Variants in ENTREP2 observed in about 807,000 individuals in gnomAD.
ENTREP2 encodes the protein endosomal transmembrane epsin interactor 2, also known as protein ENTREP2.
chr15:29,566,849 A>C, the ENTREP2 span, among the ~76,000 whole-genome samples: 2 of 148,780 alleles, frequency 1.3e-5, no homozygotes, highest in Non-Finnish European at 3.0e-5. Flanking sequence ...GGAAAAATAC[A>C]CACACACACA....
chr15:29,650,273 G>C, the ENTREP2 span, among the ~76,000 whole-genome samples: 2,138 of 152,200 alleles, frequency 0.014, 45 homozygotes, highest in African/African-American at 0.049. Context: ...CAGTCATAAA[G>C]GGACTTGGTG....
chr15:29,401,493 T>C, the ENTREP2 span, among the ~76,000 whole-genome samples: 1 of 152,222 alleles, frequency 6.6e-6, no homozygotes, highest in Non-Finnish European at 1.5e-5. Context: ...TGGTGAAGTT[T>C]TGGTAAAACC....
chr15:29,475,199 G>A, the ENTREP2 span, among the ~76,000 whole-genome samples: 1 of 152,110 alleles, frequency 6.6e-6, no homozygotes, highest in African/African-American at 2.4e-5. Flanking sequence ...CTGCACAGAT[G>A]CCAATAATCA....
At chr15:29,422,752 G>C in the ENTREP2 span, among the ~76,000 whole-genome samples, 1 of 152,188 alleles carries the variant, frequency 6.6e-6, no homozygotes, top group African/African-American at 2.4e-5. Context: ...GACTCACAAA[G>C]GTTTTGAGTG....
At chr15:29,154,739 A>G in the ENTREP2 span, among the ~76,000 whole-genome samples, 3 of 152,310 alleles carry the variant, frequency 2.0e-5, no homozygotes, top group Admixed American at 2.0e-4. Flanking sequence ...TCATGTATAC[A>G]TGAGCCCATG....
the ENTREP2 span, among the ~76,000 whole-genome samples, chr15:29,638,353 C>T: frequency 1.3e-5 from 2 of 152,210 alleles, no homozygotes; most frequent in Admixed American, 6.5e-5. Flanking sequence ...ATTCCAAGGG[C>T]ATAGTCCCTG....
chr15:29,396,762 A>C, the ENTREP2 span, among the ~76,000 whole-genome samples: 7 of 152,132 alleles, frequency 4.6e-5, no homozygotes, highest in Admixed American at 2.6e-4. Flanking sequence ...TAGGTCTTTA[A>C]TCCATTTTGA....
At chr15:29,637,798 G>T in the ENTREP2 span, among the ~76,000 whole-genome samples, 1 of 152,174 alleles carries the variant, frequency 6.6e-6, no homozygotes, top group South Asian at 2.1e-4. Context: ...GGTATGAGAG[G>T]GAAGTGTGCA....
the ENTREP2 span, among the ~76,000 whole-genome samples, chr15:29,239,000 T>TA: frequency 6.6e-6 from 1 of 152,102 alleles, no homozygotes; most frequent in East Asian, 1.9e-4. Flanking sequence ...ATCAATGACT[T>TA]ACATGTCAAT....
chr15:29,436,911 T>A, the ENTREP2 span, among the ~76,000 whole-genome samples: 1 of 152,188 alleles, frequency 6.6e-6, no homozygotes, highest in Non-Finnish European at 1.5e-5. Flanking sequence ...TTTCAAACGG[T>A]CATATTTACT....
At chr15:29,328,552 A>T in the ENTREP2 span, among the ~76,000 whole-genome samples, 1 of 152,348 alleles carries the variant, frequency 6.6e-6, no homozygotes, top group African/African-American at 2.4e-5. Flanking sequence ...GTAACTCTGA[A>T]AATCATGGAG....
At chr15:29,379,493 T>C in the ENTREP2 span, among the ~76,000 whole-genome samples, 5 of 152,180 alleles carry the variant, frequency 3.3e-5, no homozygotes, top group Non-Finnish European at 5.9e-5. Context: ...AATTAGTCCA[T>C]GGAAGGTCAG....
chr15:29,432,714 C>T, the ENTREP2 span, among the ~76,000 whole-genome samples: 1 of 152,164 alleles, frequency 6.6e-6, no homozygotes, highest in South Asian at 2.1e-4. Flanking sequence ...ACCTACAGGG[C>T]CTGGCAGACA....
chr15:29,347,367 G>A, the ENTREP2 span, among the ~76,000 whole-genome samples: 8 of 151,544 alleles, frequency 5.3e-5, no homozygotes, highest in Admixed American at 2.0e-4. Flanking sequence ...ACAAGGTCTC[G>A]CTGTGTTGCC....
the ENTREP2 span, among the ~76,000 whole-genome samples, chr15:29,259,054 T>C: frequency 6.6e-6 from 1 of 152,178 alleles, no homozygotes; most frequent in Non-Finnish European, 1.5e-5. Flanking sequence ...TGAACACTTG[T>C]AGCATCCAGA....
At chr15:29,327,556 C>T in the ENTREP2 span, among the ~76,000 whole-genome samples, 976 of 148,268 alleles carry the variant, frequency 6.6e-3, 9 homozygotes, top group African/African-American at 0.023. Context: ...GATTGCAACA[C>T]TGCAGTCCAG....
the ENTREP2 span, among the ~76,000 whole-genome samples, chr15:29,477,181 T>G: frequency 6.6e-6 from 1 of 152,226 alleles, no homozygotes; most frequent in South Asian, 2.1e-4. Context: ...ATGAATCCAT[T>G]TATATAAAGT....
the ENTREP2 span, among the ~76,000 whole-genome samples, chr15:29,254,657 G>A: frequency 1.3e-5 from 2 of 152,138 alleles, no homozygotes; most frequent in Non-Finnish European, 2.9e-5. Flanking sequence ...AGGAGTTCGA[G>A]ACCAGCCTGA....
the ENTREP2 span, among the ~76,000 whole-genome samples, chr15:29,295,559 C>T: frequency 6.6e-6 from 1 of 152,204 alleles, no homozygotes; most frequent in Admixed American, 6.5e-5. Flanking sequence ...TACTTACATA[C>T]ATATGATACA....
Sources: gnomAD v4.1 joint callset for allele counts (sites outside exome capture counted in the v4.1 genomes callset) on GRCh38, gnomAD v4.1.1 for gene constraint, MANE v1.5 for transcripts, NCBI Gene and HGNC (gene_info 2026-07-23, HGNC 2026-07-21) for gene names.